DDX19B: variants seen among roughly 807,000 people sequenced by gnomAD.
DDX19B encodes DEAD-box helicase 19B, also known as ATP-dependent RNA helicase DDX19B.
Under a neutral mutation model 58.1 loss-of-function variants are expected in DDX19B, and 27 were observed. The observed-to-expected ratio is 0.46, with a 90% CI of 0.34 to 0.64. The LOEUF is 0.64. Among genes scored for constraint, DDX19B ranks in the 30% least tolerant of loss-of-function variants. DDX19B has a pLI of 0.01. For missense variants in DDX19B, 399 were observed against 596.5 expected (o/e 0.67, Z 3.45); for synonymous variants, 187 against 214.4 (o/e 0.87, Z 1.12).
chr16:70,322,891 C>CAA (rs113261271), intron 5 of DDX19B, among the ~76,000 whole-genome samples: 81 of 47,400 alleles, frequency 1.7e-3, no homozygotes, highest in Admixed American at 2.8e-3. Flanking sequence ...AACTCCGTTG[C>CAA]AAAAAAAAAA....
chr16:70,318,880 G>A (rs762376264), intron 5 of DDX19B, among the ~76,000 whole-genome samples: 21 of 151,596 alleles, frequency 1.4e-4, no homozygotes, highest in Admixed American at 5.3e-4. Context: ...CTAGCCAGGT[G>A]GATCACAAGC....
chr16:70,311,352 T>G (rs1299621113), intron 1 of DDX19B, among the ~76,000 whole-genome samples: 2 of 151,896 alleles, frequency 1.3e-5, no homozygotes, highest in African/African-American at 2.4e-5. Context: ...TACACTCCAG[T>G]CCAGGTGACA....
At chr16:70,324,906 C>T (rs1963061629) in intron 6 of DDX19B, among the ~76,000 whole-genome samples, 1 of 152,136 alleles carries the variant, frequency 6.6e-6, no homozygotes, top group Non-Finnish European at 1.5e-5. Context: ...AAAAAATTAG[C>T]TGGGCCTGGT....
intron 5 of DDX19B, among the ~76,000 whole-genome samples, chr16:70,318,320 G>A (rs1962554172): frequency 6.6e-6 from 1 of 151,698 alleles, no homozygotes; most frequent in African/African-American, 2.4e-5. Flanking sequence ...GCTACAGGGA[G>A]CTGAGATCAC....
At chr16:70,297,008 C>T (rs1263544112), upstream of DDX19B, among the ~76,000 whole-genome samples, 24 of 152,046 alleles carry the variant, frequency 1.6e-4, no homozygotes, top group African/African-American at 4.8e-4. Flanking sequence ...CTCCACCTCC[C>T]GGGTTCAAGC....
chr16:70,289,781 G>A, upstream of DDX19B: 1 of 311,486 alleles, frequency 3.2e-6, no homozygotes, highest in Non-Finnish European at 6.2e-6. Context: ...CCGGCTCCCG[G>A]AGGTCGACAT....
upstream of DDX19B, chr16:70,294,791 T>A: frequency 7.3e-7 from 1 of 1,376,880 alleles, no homozygotes; most frequent in African/African-American, 1.5e-5. Context: ...AGGCTCCGGC[T>A]TGGCCAGTGC....
chr16:70,290,147 A>G (rs1961022934), upstream of DDX19B: 3 of 177,386 alleles, frequency 1.7e-5, no homozygotes, highest in Admixed American at 1.7e-4. Context: ...TCACGCCTAT[A>G]ATTGCAACAC....
chr16:70,296,515 G>C (rs896597006), upstream of DDX19B, among the ~76,000 whole-genome samples: 6 of 151,970 alleles, frequency 3.9e-5, no homozygotes, highest in African/African-American at 1.5e-4. Flanking sequence ...TGTTTGTTTT[G>C]TACAAGTGAA....
intron 5 of DDX19B, 151 bp from the exon 6 acceptor site, chr16:70,324,434 C>A: frequency 3.4e-5 from 13 of 386,136 alleles, no homozygotes; most frequent in East Asian, 7.2e-5. Context: ...AATCTTATTT[C>A]TATAGTGCCC....
chr16:70,303,551 A>G (rs1175942306), intron 1 of DDX19B, among the ~76,000 whole-genome samples: 1 of 152,030 alleles, frequency 6.6e-6, no homozygotes. Flanking sequence ...TAATTTATCA[A>G]TTTTTGTTTG....
At chr16:70,303,391 C>T (rs966348113) in intron 1 of DDX19B, among the ~76,000 whole-genome samples, 43 of 152,146 alleles carry the variant, frequency 2.8e-4, no homozygotes, top group African/African-American at 9.7e-4. Context: ...TCAAGCAATC[C>T]GCCCACCTGG....
At chr16:70,314,766 T>C in intron 2 of DDX19B, 136 bp from the exon 3 acceptor site, 1 of 783,800 alleles carries the variant, frequency 1.3e-6, no homozygotes, top group South Asian at 1.3e-5. Context: ...AATGTTTTTA[T>C]CAGCGGCTCG....
At chr16:70,329,668 T>C (rs1963376558) in intron 8 of DDX19B, among the ~76,000 whole-genome samples, 163 bp from the exon 9 acceptor site, 3 of 152,154 alleles carry the variant, frequency 2.0e-5, no homozygotes, top group Middle Eastern at 3.4e-3. Context: ...CTAGGGACTC[T>C]CCCCCAACCC....
intron 4 of DDX19B, 191 bp from the exon 5 acceptor site, chr16:70,317,305 C>A: frequency 2.6e-6 from 1 of 381,930 alleles, no homozygotes. Flanking sequence ...TGCTTGAACC[C>A]GGAAGGTGGA....
upstream of DDX19B, among the ~76,000 whole-genome samples, chr16:70,295,734 A>T (rs1961192730): frequency 6.6e-6 from 1 of 152,114 alleles, no homozygotes; most frequent in Non-Finnish European, 1.5e-5. Flanking sequence ...GCACAGCTGC[A>T]CACACCTGTA....
Position 70,317,484 on chromosome 16 carries a change from C to A in DDX19B, c.297-12C>A. ...AAGAGACTGTGACTTTCATCTTTAA[C>A]TGTTTTTCTAGGAAACCACAGCTTC... On this transcript the variant is annotated splice_polypyrimidine_tract_variant and intron_variant, in intron 4 of 11. Coordinates refer to ENST00000288071, the MANE Select transcript of DDX19B (RefSeq NM_007242.7). 1.2e-6 allele frequency: 2 copies of A among 1,604,096 alleles called. No individual in the cohort carries two copies. Among genetic ancestry groups the A allele is most frequent in the Non-Finnish European group, 1.7e-6 (2 of 1,173,440 alleles).
chr16:70,304,029 T>C (rs931942723), intron 1 of DDX19B, among the ~76,000 whole-genome samples: 1 of 151,998 alleles, frequency 6.6e-6, no homozygotes, highest in Non-Finnish European at 1.5e-5. Flanking sequence ...TAATAAGGGG[T>C]ATGCATTGAG....
chr16:70,315,981 C>T lies in DDX19B; in HGVS notation c.173C>T (p.Ala58Val). Reference protein sequence around the residue: ...TDEEEKEDRAAQSLLNKLIRS... With the variant: ...TDEEEKEDRAVQSLLNKLIRS... ...TTTTTCCTGACAGAGGACAGAGCTG[C>T]CCAGTCCTTACTCAACAAGCTGATC... Residue 58 changes from alanine (A) to valine (V), a missense_variant, in exon 4 of 12, where the codon GCC becomes GTC. Physicochemically the swap from Ala to Val is moderately conservative, Grantham distance 64. This residue lies in a region of DDX19B where 132 missense variants were observed against 159.4 expected (regional missense o/e 0.83). Transcript: ENST00000288071. 6.2e-7 allele frequency: 1 copy of T among 1,613,952 alleles called. No homozygotes were observed. The highest frequency in any genetic ancestry group is 8.5e-7 in the Non-Finnish European group (1 of 1,180,002).
Sources: allele counts gnomAD v4.1 joint callset (sites outside exome capture counted in the v4.1 genomes callset), GRCh38; gene constraint gnomAD v4.1.1; regional missense constraint gnomAD v4.1.1; transcripts MANE v1.5; gene names NCBI Gene and HGNC (gene_info 2026-07-23, HGNC 2026-07-21).